Variants in PGM2 observed in about 807,000 individuals in gnomAD.
PGM2 encodes phosphopentomutase.
In PGM2, 57 loss-of-function variants were observed where a neutral mutation model predicts 74.6. The observed-to-expected ratio is 0.76, with a 90% CI of 0.62 to 0.95. The LOEUF (loss-of-function observed/expected upper bound fraction) is 0.95, where lower values mean the gene tolerates loss of function less well. PGM2 is among the 40% of genes least tolerant of loss of function. The pLI is 0.00. For missense variants in PGM2, 706 were observed against 741.9 expected, an observed-to-expected ratio of 0.95 and a Z score of 0.56; for synonymous variants, 273 against 260.7, an observed-to-expected ratio of 1.05 and a Z score of -0.46.
chr4:37,841,190 T>TGTGTGTGTGTGTGTGTG (rs1491511171), intron 6 of PGM2, among the ~76,000 whole-genome samples: 4,291 of 82,970 alleles, frequency 0.052, 157 homozygotes, highest in Middle Eastern at 0.11. Context: ...GTGTGTGTGG[T>TGTGTGTGTGTGTGTGTG]TTGTTCTGTG....
Position 37,861,702 on chromosome 4 carries a change from A to G in PGM2, c.*90A>G. The G allele has an allele frequency of 1.3e-6, 1 of 772,130 alleles. No individual in the cohort carries two copies. The highest frequency in any genetic ancestry group is 2.3e-6 in the Non-Finnish European group (1 of 425,690). 47.8% of individuals were successfully genotyped at this position (772,130 alleles called of 1,614,324 possible). ...ATATTTTTAAGGGCCAAATGATTCA[A>G]AACATCACAGGTATTTATGTGTTTT... is the stretch of plus-strand genomic sequence containing the variant. On this transcript the variant is annotated 3_prime_UTR_variant, in exon 14 of 14. Coordinates refer to ENST00000381967, the MANE Select transcript of PGM2 (RefSeq NM_018290.4).
chr4:37,859,024 G>GC (rs1450465576), intron 13 of PGM2, among the ~76,000 whole-genome samples: 9 of 152,292 alleles, frequency 5.9e-5, no homozygotes, highest in African/African-American at 2.2e-4. Flanking sequence ...TAGTAAGAAA[G>GC]CAGCCATATG....
chr4:37,845,582 A>G (rs2152178486), intron 7 of PGM2, 51 bp from the exon 8 acceptor site: 1 of 1,233,632 alleles, frequency 8.1e-7, no homozygotes, highest in Middle Eastern at 1.9e-4. Context: ...AAAGACTATC[A>G]TATGCTCGAT....
chr4:37,852,085 T>C (rs1267977162), intron 12 of PGM2, among the ~76,000 whole-genome samples: 1 of 142,386 alleles, frequency 7.0e-6, no homozygotes, highest in African/African-American at 2.5e-5. Flanking sequence ...TCCTCCCACC[T>C]CACCCTCCTG....
chr4:37,861,621 A>G lies in PGM2; in HGVS notation c.*9A>G, dbSNP rs755591959. 1.1e-5 allele frequency: 18 copies of G among 1,566,762 alleles called. No individual in the cohort carries two copies. Among genetic ancestry groups the G allele is most frequent in the Non-Finnish European group, 1.4e-5 (16 of 1,137,384 alleles). ...AGCCAAAAGCAGACTAAAATAGTCC[A>G]GCCTTGGGTATACTTGCATTTACCT... On this transcript the variant is annotated 3_prime_UTR_variant, in exon 14 of 14. Transcript: ENST00000381967.
intron 6 of PGM2, among the ~76,000 whole-genome samples, chr4:37,841,190 T>TGTGTGTGTGTGTGTG (rs1491511171): frequency 0.095 from 7,897 of 82,796 alleles, 428 homozygotes; most frequent in Middle Eastern, 0.12. Flanking sequence ...GTGTGTGTGG[T>TGTGTGTGTGTGTGTG]TTGTTCTGTG....
At chr4:37,843,146 A>G (rs953247573) in intron 6 of PGM2, among the ~76,000 whole-genome samples, 9 of 152,346 alleles carry the variant, frequency 5.9e-5, no homozygotes, top group African/African-American at 1.9e-4. Context: ...ACCACTCAGC[A>G]TTATTACTTC....
chr4:37,826,744 A>G lies in PGM2; in HGVS notation c.12A>G (p.Pro4=), dbSNP rs1239570256. The part of the protein sequence containing the change: MAA[P]EGSGLGEDAR... Reference sequence around the variant, plus strand: ...GCACAAGCTCAGCGATGGCGGCTCCAGAAGGCAGCGGTCTAGGCGAGGACG... The same window carrying G: ...GCACAAGCTCAGCGATGGCGGCTCCGGAAGGCAGCGGTCTAGGCGAGGACG... Residue 4 remains proline (P), a synonymous_variant, in exon 1 of 14, where the codon CCA becomes CCG. Transcript: ENST00000381967. The G allele has an allele frequency of 3.9e-6, 6 of 1,549,902 alleles. No individual in the cohort carries two copies. Among genetic ancestry groups the G allele is most frequent in the African/African-American group, 2.7e-5 (2 of 72,946 alleles).
intron 9 of PGM2, 30 bp from the exon 10 acceptor site, chr4:37,847,172 A>G (rs374140583): frequency 1.9e-6 from 3 of 1,601,538 alleles, no homozygotes; most frequent in Non-Finnish European, 1.7e-6. Context: ...GATCTAAGGC[A>G]TGTCTTTCTC....
At chr4:37,843,303 A>G (rs1725780410) in intron 6 of PGM2, among the ~76,000 whole-genome samples, 1 of 151,978 alleles carries the variant, frequency 6.6e-6, no homozygotes, top group South Asian at 2.1e-4. Context: ...GTTTTTCCAG[A>G]TTTTTCTTCC....
intron 2 of PGM2, 50 bp downstream of exon 2, chr4:37,830,181 T>A (rs1725402477): frequency 2.3e-6 from 3 of 1,316,716 alleles, no homozygotes; most frequent in Non-Finnish European, 3.1e-6. Context: ...CCCTAGCTCA[T>A]TTTCTATTTG....
chr4:37,841,100 A>ATGTGTGTGTGTGTG (rs1553885995), intron 6 of PGM2, among the ~76,000 whole-genome samples: 9 of 115,750 alleles, frequency 7.8e-5, no homozygotes, highest in African/African-American at 3.2e-4. Flanking sequence ...ATATATATAT[A>ATGTGTGTGTGTGTG]TGTGTGTGTG....
At chr4:37,843,817 C>G (rs1295794306) in intron 6 of PGM2, among the ~76,000 whole-genome samples, 2 of 152,102 alleles carry the variant, frequency 1.3e-5, no homozygotes, top group Non-Finnish European at 2.9e-5. Flanking sequence ...CTGTGTTGGT[C>G]AGGCTGGTTT....
chr4:37,855,332 A>G (rs1376557712), intron 12 of PGM2, among the ~76,000 whole-genome samples: 1 of 152,202 alleles, frequency 6.6e-6, no homozygotes, highest in Non-Finnish European at 1.5e-5. Flanking sequence ...TTCACTCAAC[A>G]TAATGTCTTC....
At chr4:37,832,481 G>A (rs917244036) in intron 2 of PGM2, among the ~76,000 whole-genome samples, 5 of 152,176 alleles carry the variant, frequency 3.3e-5, no homozygotes, top group African/African-American at 1.2e-4. Context: ...CCCAAAGTTT[G>A]CCTGGTTCAT....
At position 37,862,091 on chromosome 4, in the gene PGM2, ATGT is replaced by A. The variant is rs1387381087; in HGVS notation, c.*483_*485del. On this transcript the variant is annotated 3_prime_UTR_variant, in exon 14 of 14. Coordinates refer to ENST00000381967, the MANE Select transcript of PGM2 (RefSeq NM_018290.4). Reference sequence around the variant, plus strand: ...AAAGTAAAATAAATGAATAGATCAAATGTTGTGTTCATGTTTGGGGAAAATATA... The same window carrying A: ...AAAGTAAAATAAATGAATAGATCAAATGTGTTCATGTTTGGGGAAAATATA... 3 of 153,402 alleles carry A rather than the reference ATGT, an allele frequency of 2.0e-5. No homozygotes were observed. Among genetic ancestry groups the A allele is most frequent in the Non-Finnish European group, 4.4e-5 (3 of 68,782 alleles). 9.5% of individuals were successfully genotyped at this position (153,402 alleles called of 1,614,324 possible). A position where few individuals can be genotyped will look rare whatever the true frequency, so the allele number is the denominator to read the frequency against.
chr4:37,835,899 A>G (rs1467752036), intron 3 of PGM2, among the ~76,000 whole-genome samples: 2 of 152,264 alleles, frequency 1.3e-5, no homozygotes, highest in African/African-American at 4.8e-5. Flanking sequence ...GGATAGATGC[A>G]CATGAACTAC....
At position 37,840,235 on chromosome 4, in the gene PGM2, AC is replaced by A. The variant is rs1725673287; in HGVS notation, c.697del (p.Lys235SerfsTer8). On this transcript the variant is annotated frameshift_variant, in exon 6 of 14. Transcript: ENST00000381967. LOFTEE classifies it high-confidence loss of function. ...SASINNDYFE[D>X]LKKYCFHRSV... ...TCCATCAATAATGACTACTTTGAAG[AC>A]CTTAAAAAGTACTGTTTCCACAGGT... 1 of 1,608,754 alleles carries A rather than the reference AC, an allele frequency of 6.2e-7. No homozygotes were observed. Among genetic ancestry groups the A allele is most frequent in the African/African-American group, 1.3e-5 (1 of 74,800 alleles).
chr4:37,829,659 C>T (rs762379816), intron 1 of PGM2, among the ~76,000 whole-genome samples: 8 of 152,152 alleles, frequency 5.3e-5, no homozygotes, highest in Non-Finnish European at 1.0e-4. Flanking sequence ...ATAATCTGCG[C>T]AAGCACCTAG....
Sources: allele counts gnomAD v4.1 joint callset (sites outside exome capture counted in the v4.1 genomes callset), GRCh38; gene constraint gnomAD v4.1.1; transcripts MANE v1.5; gene names NCBI Gene and HGNC (gene_info 2026-07-23, HGNC 2026-07-21).